TAFA1: variants seen among roughly 807,000 people sequenced by gnomAD.
TAFA1 encodes chemokine-like protein TAFA-1.
TAFA1 carries 4 observed loss-of-function variants against 18.5 expected under a neutral mutation model. That is an observed-to-expected ratio of 0.22 (90% CI 0.11 to 0.49). The LOEUF (loss-of-function observed/expected upper bound fraction) is 0.49, where lower values mean the gene tolerates loss of function less well. TAFA1 is among the 20% of genes least tolerant of loss of function. The pLI is 0.98. For missense variants in TAFA1, 147 were observed against 169.0 expected (o/e 0.87, Z 0.72); for synonymous variants, 56 against 55.2 (o/e 1.01, Z -0.06).
Position 68,287,907 on chromosome 3 carries a change from TG to T in TAFA1, c.119-129367del, listed in dbSNP as rs35069967. ...GGAGGATTTTGCTTTTTGTTTTTGT[TG>T]GGGGGTGGGGGGGCTTTTTGAAAAT... is the stretch of plus-strand genomic sequence containing the variant. On this transcript the variant is annotated intron_variant, in intron 2 of 4. Coordinates refer to ENST00000478136, the MANE Select transcript of TAFA1 (RefSeq NM_213609.4). Among the ~76,000 whole-genome samples the T allele has an allele frequency of 9.6e-5, 5 of 51,992 alleles. No homozygotes were observed. In the East Asian group the frequency reaches 2.4e-3, roughly 25 times the overall value. The allele number at this position is 51,992 out of a possible 152,430, so 34.1% of individuals were successfully genotyped here.
chr3:68,351,320 C>G (rs2069261306), intron 2 of TAFA1, among the ~76,000 whole-genome samples: 1 of 151,968 alleles, frequency 6.6e-6, no homozygotes, highest in Admixed American at 6.6e-5. Flanking sequence ...AGGATAGGTT[C>G]TGGAAATCTG....
chr3:68,472,604 AT>A (rs1575898967), intron 3 of TAFA1, among the ~76,000 whole-genome samples: 1 of 152,168 alleles, frequency 6.6e-6, no homozygotes, highest in Non-Finnish European at 1.5e-5. Context: ...ATCTATAGAT[AT>A]ATATCTATAT....
chr3:68,272,395 A>C (rs1404575250), intron 2 of TAFA1, among the ~76,000 whole-genome samples: 1 of 152,204 alleles, frequency 6.6e-6, no homozygotes, highest in Non-Finnish European at 1.5e-5. Flanking sequence ...TACCTAAAGC[A>C]TATGGGGTTA....
At chr3:68,449,963 T>C (rs80159623) in intron 3 of TAFA1, among the ~76,000 whole-genome samples, 7,438 of 152,230 alleles carry the variant, frequency 0.049, 251 homozygotes, top group East Asian at 0.091. Context: ...GGACATTGTG[T>C]ATGCAGCCCC....
chr3:68,427,366 T>G (rs1382477137), intron 3 of TAFA1, among the ~76,000 whole-genome samples: 2 of 151,898 alleles, frequency 1.3e-5, no homozygotes, highest in African/African-American at 4.8e-5. Context: ...TAGGGTCCTG[T>G]GTTATTAATG....
intron 3 of TAFA1, among the ~76,000 whole-genome samples, chr3:68,490,110 C>T (rs1202947948): frequency 6.6e-6 from 1 of 152,166 alleles, no homozygotes; most frequent in Non-Finnish European, 1.5e-5. Context: ...GAAATTTTAG[C>T]TTGACAGATT....
intron 2 of TAFA1, among the ~76,000 whole-genome samples, chr3:68,287,878 G>C (rs1048998882): frequency 1.6e-5 from 2 of 124,504 alleles, no homozygotes; most frequent in African/African-American, 5.9e-5. Flanking sequence ...TACTTCTCAG[G>C]TCTGGAGGAT....
intron 2 of TAFA1, chr3:68,246,740 T>C (rs2067089002): frequency 6.6e-6 from 1 of 152,180 alleles, no homozygotes; most frequent in African/African-American, 2.4e-5. Flanking sequence ...ATCGCTTCTG[T>C]TGCATCATAG....
chr3:68,236,082 A>G (rs759050176), intron 2 of TAFA1, among the ~76,000 whole-genome samples: 3 of 152,160 alleles, frequency 2.0e-5, no homozygotes, highest in East Asian at 1.9e-4. Context: ...GAGTAAAACT[A>G]CCACAACACT....
chr3:68,531,880 G>A (rs959907584), intron 3 of TAFA1, among the ~76,000 whole-genome samples: 10 of 152,154 alleles, frequency 6.6e-5, no homozygotes, highest in African/African-American at 1.7e-4. Context: ...CAGAGTTACT[G>A]CAAAGACTGA....
chr3:68,344,639 G>T (rs1310426842), intron 2 of TAFA1, among the ~76,000 whole-genome samples: 1 of 152,082 alleles, frequency 6.6e-6, no homozygotes, highest in African/African-American at 2.4e-5. Context: ...TTTCCCCCTA[G>T]CTTTGTGACT....
intron 2 of TAFA1, among the ~76,000 whole-genome samples, chr3:68,285,517 A>C (rs894152440): frequency 6.6e-6 from 1 of 152,136 alleles, no homozygotes; most frequent in African/African-American, 2.4e-5. Flanking sequence ...TAGCAACTAT[A>C]TATATAGTGC....
intron 2 of TAFA1, among the ~76,000 whole-genome samples, chr3:68,031,449 T>G (rs1371067576): frequency 6.6e-6 from 1 of 152,140 alleles, no homozygotes; most frequent in Non-Finnish European, 1.5e-5. Context: ...TAGTGGGCAG[T>G]GCTTATAAAT....
intron 3 of TAFA1, among the ~76,000 whole-genome samples, chr3:68,530,857 C>T (rs555654427): frequency 2.2e-4 from 33 of 152,022 alleles, no homozygotes; most frequent in Non-Finnish European, 4.1e-4. Flanking sequence ...TTGTTTTCTG[C>T]AAGTATTTGT....
intron 2 of TAFA1, among the ~76,000 whole-genome samples, chr3:68,356,172 A>T (rs2069360124): frequency 6.6e-6 from 1 of 151,836 alleles, no homozygotes; most frequent in Admixed American, 6.6e-5. Context: ...AGATTTCTGA[A>T]TCCAGTATTT....
At chr3:68,147,036 T>C (rs1198048695) in intron 2 of TAFA1, among the ~76,000 whole-genome samples, 1 of 150,220 alleles carries the variant, frequency 6.7e-6, no homozygotes, top group East Asian at 1.9e-4. Context: ...TGTGTGTGTG[T>C]GTGTATATAT....
intron 2 of TAFA1, among the ~76,000 whole-genome samples, chr3:68,082,510 C>G (rs549167522): frequency 2.0e-5 from 3 of 152,282 alleles, no homozygotes; most frequent in Admixed American, 1.3e-4. Context: ...TGACATCAAA[C>G]AAATTATTAA....
At chr3:68,385,239 T>A (rs2070068556) in intron 2 of TAFA1, among the ~76,000 whole-genome samples, 1 of 152,068 alleles carries the variant, frequency 6.6e-6, no homozygotes, top group South Asian at 2.1e-4. Context: ...GAAAGAACTG[T>A]TTTCAAGTTG....
intron 2 of TAFA1, among the ~76,000 whole-genome samples, chr3:68,227,840 T>C (rs1384343311): frequency 2.0e-5 from 3 of 152,228 alleles, no homozygotes; most frequent in Non-Finnish European, 4.4e-5. Context: ...AATGATTTTT[T>C]TCCCACTACA....
Sources: allele counts gnomAD v4.1 joint callset (sites outside exome capture counted in the v4.1 genomes callset), GRCh38; gene constraint gnomAD v4.1.1; transcripts MANE v1.5; gene names NCBI Gene and HGNC (gene_info 2026-07-23, HGNC 2026-07-21).